TBCD: variants seen among roughly 807,000 people sequenced by gnomAD.
The protein encoded by TBCD is tubulin-specific chaperone D.
In TBCD, 105 loss-of-function variants were observed where a neutral mutation model predicts 169.3. The ratio of observed to expected loss-of-function variants is 0.62; its 90% CI spans 0.53 to 0.73. The LOEUF is 0.73. TBCD is among the 30% of genes least tolerant of loss of function. The pLI, the probability that TBCD is intolerant of heterozygous loss-of-function variation, is 0.00. For synonymous variants in TBCD, 700 were observed against 643.9 expected, an observed-to-expected ratio of 1.09 and a Z score of -1.32; for missense variants, 1,444 against 1,600.1, an observed-to-expected ratio of 0.90 and a Z score of 1.66.
At chr17:82,846,865 C>T (rs1258193757) in intron 13 of TBCD, among the ~76,000 whole-genome samples, 1 of 149,860 alleles carries the variant, frequency 6.7e-6, no homozygotes, top group African/African-American at 2.4e-5. Flanking sequence ...ACCGCGTGTC[C>T]AGGAGCCGGG....
chr17:82,829,224 T>C (rs1477004920), intron 13 of TBCD, among the ~76,000 whole-genome samples: 1 of 150,596 alleles, frequency 6.6e-6, no homozygotes, highest in Non-Finnish European at 1.5e-5. Context: ...CACGATCAAA[T>C]GTGCACGTGC....
intron 6 of TBCD, among the ~76,000 whole-genome samples, chr17:82,780,036 C>G (rs1296084840): frequency 6.6e-6 from 1 of 152,178 alleles, no homozygotes; most frequent in Non-Finnish European, 1.5e-5. Context: ...CCAGTCAGAC[C>G]TGCCGGCATG....
intron 13 of TBCD, among the ~76,000 whole-genome samples, chr17:82,851,788 A>C (rs1027513524): frequency 2.0e-5 from 3 of 152,242 alleles, no homozygotes; most frequent in Non-Finnish European, 4.4e-5. Context: ...GCCCTCGTGC[A>C]GCCACCGTGG....
At chr17:82,758,037 T>G (rs1373545548) in intron 2 of TBCD, among the ~76,000 whole-genome samples, 1 of 152,114 alleles carries the variant, frequency 6.6e-6, no homozygotes, top group Admixed American at 6.6e-5. Context: ...TATTAACACT[T>G]GTTGTGAGCT....
At chr17:82,778,058 C>T (rs563559096) in intron 6 of TBCD, among the ~76,000 whole-genome samples, 2 of 152,332 alleles carry the variant, frequency 1.3e-5, no homozygotes, top group South Asian at 4.1e-4. Flanking sequence ...CCCCTCAGCT[C>T]CTATCTCTGT....
rs563235313 is a variant in TBCD at position 82,906,359 on chromosome 17, G to C, written c.1922+306G>C. On this transcript the variant is annotated intron_variant, in intron 20 of 38. Coordinates refer to ENST00000355528, the MANE Select transcript of TBCD (RefSeq NM_005993.5). ...TCCTTGTGCACCTCCTGGTCTCAGAGGTGACAAGCGAGGTCATAACAGCAA... is the reference window on the plus strand; with the variant it reads ...TCCTTGTGCACCTCCTGGTCTCAGACGTGACAAGCGAGGTCATAACAGCAA... 2.0e-5 allele frequency among the ~76,000 whole-genome samples: 3 copies of C among 152,348 alleles called. No homozygotes were observed. In the East Asian group the frequency reaches 5.8e-4, roughly 29 times the overall value.
chr17:82,902,842 C>T (rs902893345), intron 18 of TBCD, among the ~76,000 whole-genome samples: 6 of 152,150 alleles, frequency 3.9e-5, no homozygotes, highest in African/African-American at 7.2e-5. Flanking sequence ...CTCTGCGGGT[C>T]GCTCCCAGCT....
chr17:82,901,447 C>T (rs972622363), intron 18 of TBCD, among the ~76,000 whole-genome samples: 8 of 152,006 alleles, frequency 5.3e-5, no homozygotes, highest in African/African-American at 9.7e-5. Context: ...ATGGGGGATG[C>T]GTTTGCTGCT....
intron 8 of TBCD, 100 bp downstream of exon 8, chr17:82,797,902 G>A (rs1054887761): frequency 7.2e-6 from 5 of 695,748 alleles, no homozygotes; most frequent in Non-Finnish European, 8.3e-6. Context: ...TATAGGAACT[G>A]TACATTGGTA....
intron 34 of TBCD, among the ~76,000 whole-genome samples, chr17:82,936,957 C>T (rs111810431): frequency 0.013 from 2,019 of 152,302 alleles, 45 homozygotes; most frequent in African/African-American, 0.045. Flanking sequence ...GCATCCTGGC[C>T]GCCGCTGTGT....
In TBCD at chr17:82,941,441, G is replaced by A; in HGVS notation, c.3522G>A (p.Leu1174=). The A allele has an allele frequency of 6.2e-7, 1 of 1,603,398 alleles. No individual in the cohort carries two copies. Among genetic ancestry groups the A allele is most frequent in the Admixed American group, 1.7e-5 (1 of 59,322 alleles). ...LAVVREQRNR[L]CDLLGVPRPQ... is the part of the protein sequence containing the mutation. ...TGGTGAGAGAGCAGCGCAACCGTCTGTGTGACCTTCTGGGCGTACCCAGGC... is the reference window on the plus strand; with the variant it reads ...TGGTGAGAGAGCAGCGCAACCGTCTATGTGACCTTCTGGGCGTACCCAGGC... Residue 1174 remains leucine (L), a synonymous_variant, in exon 38 of 39, where the codon CTG becomes CTA. Transcript: ENST00000355528.
At chr17:82,816,096 C>T (rs1284380714) in intron 13 of TBCD, among the ~76,000 whole-genome samples, 1 of 152,196 alleles carries the variant, frequency 6.6e-6, no homozygotes, top group Non-Finnish European at 1.5e-5. Flanking sequence ...GCAGCCATGT[C>T]TCCAGTGTCT....
intron 30 of TBCD, among the ~76,000 whole-genome samples, chr17:82,928,220 G>A (rs991711019): frequency 1.3e-5 from 2 of 152,150 alleles, no homozygotes; most frequent in African/African-American, 4.8e-5. Context: ...CCCCCAGGAC[G>A]AGGCTCTGCT....
In TBCD at chr17:82,817,505, C is replaced by T. The variant is rs150117923; in HGVS notation, c.1318+2571C>T. ...AGAGATGGGGTTTTCCCATGTTGTC[C>T]GGGCTGGTCTCGAACTCCTGAGCTC... On this transcript the variant is annotated intron_variant, in intron 13 of 38. Coordinates refer to ENST00000355528, the MANE Select transcript of TBCD (RefSeq NM_005993.5). Among the ~76,000 whole-genome samples, 100 of 152,270 alleles carry T rather than the reference C, an allele frequency of 6.6e-4. 1 individual carries two copies. The highest frequency in any genetic ancestry group is 1.8e-3 in the African/African-American group (75 of 41,540).
chr17:82,851,436 AG>A (rs1472999112), intron 13 of TBCD, among the ~76,000 whole-genome samples: 9 of 152,224 alleles, frequency 5.9e-5, no homozygotes, highest in African/African-American at 1.9e-4. Flanking sequence ...GGAGCCAAGA[AG>A]GGTTTTCACA....
rs3791160 is a variant in TBCD at position 82,806,895 on chromosome 17, C to T, written c.1088-713C>T. Among the ~76,000 whole-genome samples, 3,411 of 152,300 alleles carry T rather than the reference C, an allele frequency of 0.022. 47 individuals carry two copies. Among genetic ancestry groups the T allele is most frequent in the South Asian group, 0.057 (275 of 4,824 alleles). ...ATCTGTGCTGGGCGGCTCTGAGTCC[C>T]GGGCGGGGCCCTGGGTCTGCCCCTT... is the stretch of plus-strand genomic sequence containing the variant. On this transcript the variant is annotated intron_variant, in intron 10 of 38. Transcript: ENST00000355528. This position sits in a 1 kb window ranked among gnomAD's most constrained non-coding sequence, Gnocchi z 5.1.
chr17:82,809,820 C>T (rs377670860), intron 12 of TBCD, 38 bp downstream of exon 12: 3 of 1,596,088 alleles, frequency 1.9e-6, no homozygotes, highest in African/African-American at 1.3e-5. Flanking sequence ...TGGGCCTGAC[C>T]CTGAGTTGAG....
intron 35 of TBCD, 69 bp from the exon 36 acceptor site, chr17:82,937,980 G>T: frequency 3.1e-6 from 5 of 1,592,456 alleles, no homozygotes; most frequent in Non-Finnish European, 4.3e-6. Flanking sequence ...GGGCCTTTGG[G>T]TCCGGGGTTT....
At chr17:82,823,498 CGT>C (rs1255690876) in intron 13 of TBCD, among the ~76,000 whole-genome samples, 1 of 151,986 alleles carries the variant, frequency 6.6e-6, no homozygotes, top group Non-Finnish European at 1.5e-5. Flanking sequence ...CTTGTGTGAA[CGT>C]GTGTGTTTCG....
Sources: allele counts gnomAD v4.1 joint callset (sites outside exome capture counted in the v4.1 genomes callset), GRCh38; gene constraint gnomAD v4.1.1; non-coding constraint Gnocchi (gnomAD v3.1); transcripts MANE v1.5; gene names NCBI Gene and HGNC (gene_info 2026-07-23, HGNC 2026-07-21).